ARNT2: variants seen among roughly 807,000 people sequenced by gnomAD.
ARNT2 encodes aryl hydrocarbon receptor nuclear translocator 2.
Under a neutral mutation model 91.7 loss-of-function variants are expected in ARNT2, and 36 were observed. That is an observed-to-expected ratio of 0.39 (90% CI 0.30 to 0.52). ARNT2 has a LOEUF of 0.52. Ranked by LOEUF, ARNT2 falls within the 20% of genes least tolerant of loss-of-function variation. The pLI is 0.72. For synonymous variants in ARNT2, 365 were observed against 347.1 expected (o/e 1.05, Z -0.57); for missense variants, 775 against 939.3 (o/e 0.83, Z 2.29).
At chr15:80,483,401 G>T (rs1265672373) in intron 5 of ARNT2, among the ~76,000 whole-genome samples, 1 of 152,238 alleles carries the variant, frequency 6.6e-6, no homozygotes, top group Non-Finnish European at 1.5e-5. Context: ...TGACTCAACT[G>T]CCCTACTTGT....
At position 80,441,259 on chromosome 15, in the gene ARNT2, A is replaced by G. The variant is rs147656473; in HGVS notation, c.32-9621A>G. The stretch of plus-strand genomic sequence containing the variant: ...TGTGATGACATTTTCTCAGCAGAAT[A>G]CAAATGCAGCTACATTTCCTCCCAG... On this transcript the variant is annotated intron_variant, in intron 1 of 18. Coordinates refer to ENST00000303329, the MANE Select transcript of ARNT2 (RefSeq NM_014862.4). The G allele has an allele frequency of 6.3e-5, 62 of 985,354 alleles. 1 individual carries two copies. In the East Asian group the frequency reaches 6.8e-3, roughly 108 times the overall value. The allele number at this position is 985,354 out of a possible 1,614,324, so 61.0% of individuals were successfully genotyped here.
chr15:80,572,999 T>G (rs141867458), intron 12 of ARNT2, among the ~76,000 whole-genome samples: 3 of 152,320 alleles, frequency 2.0e-5, no homozygotes, highest in African/African-American at 7.2e-5. Context: ...TTCCTTCCAC[T>G]GAATAATTTC....
intron 15 of ARNT2, 37 bp from the exon 16 acceptor site, chr15:80,580,374 T>A: frequency 6.2e-7 from 1 of 1,612,598 alleles, no homozygotes; most frequent in Non-Finnish European, 8.5e-7. Context: ...GCAAACCAGG[T>A]GTGTCCTCGG....
At chr15:80,409,448 A>G (rs991309194) in intron 1 of ARNT2, among the ~76,000 whole-genome samples, 2 of 152,146 alleles carry the variant, frequency 1.3e-5, no homozygotes, top group African/African-American at 2.4e-5. Flanking sequence ...CATTGTCTGG[A>G]TGTACCACAG....
chr15:80,431,731 T>C (rs959197298), intron 1 of ARNT2, among the ~76,000 whole-genome samples: 10 of 152,186 alleles, frequency 6.6e-5, no homozygotes, highest in African/African-American at 2.4e-4. Flanking sequence ...TCCCTACTTA[T>C]CCAGCAGGGA....
At chr15:80,435,401 C>T (rs996814932) in intron 1 of ARNT2, among the ~76,000 whole-genome samples, 1 of 152,152 alleles carries the variant, frequency 6.6e-6, no homozygotes, top group African/African-American at 2.4e-5. Context: ...TGGGTCAGTC[C>T]CTGCTTCAGA....
intron 17 of ARNT2, among the ~76,000 whole-genome samples, chr15:80,589,749 C>G (rs1344322366): frequency 6.6e-6 from 1 of 152,178 alleles, no homozygotes; most frequent in Non-Finnish European, 1.5e-5. Context: ...TCTGCTAAGC[C>G]AATTAATGAG....
At chr15:80,548,864 T>C (rs903637371) in intron 8 of ARNT2, among the ~76,000 whole-genome samples, 2 of 152,116 alleles carry the variant, frequency 1.3e-5, no homozygotes, top group African/African-American at 4.8e-5. Context: ...AATGCAATCC[T>C]AATAAAAATA....
chr15:80,449,674 G>A (rs1896358560), intron 1 of ARNT2, among the ~76,000 whole-genome samples: 1 of 152,210 alleles, frequency 6.6e-6, no homozygotes, highest in Admixed American at 6.5e-5. Context: ...AGAGTTTTGA[G>A]TGGGATAGTT....
At chr15:80,518,391 C>T (rs1282992925) in intron 8 of ARNT2, among the ~76,000 whole-genome samples, 1 of 150,388 alleles carries the variant, frequency 6.6e-6, no homozygotes, top group African/African-American at 2.5e-5. Context: ...AGCAATTCTC[C>T]TGTCTCAGCC....
At chr15:80,465,233 G>A (rs1277799921) in intron 3 of ARNT2, among the ~76,000 whole-genome samples, 1 of 152,212 alleles carries the variant, frequency 6.6e-6, no homozygotes, top group Admixed American at 6.5e-5. Flanking sequence ...AACTCCTGGT[G>A]TCTGGTCTTC....
Position 80,591,739 on chromosome 15 carries a change from C to T in ARNT2, c.2055+35C>T. ...GCGAGCACCGCCTTCTCGTAGGTAC[C>T]GGCGCCTTCTCTCTGCTTCCTTTCC... On this transcript the variant is annotated intron_variant, in intron 18 of 18. Transcript: ENST00000303329. The surrounding 1 kb of genome is among the most constrained non-coding windows in gnomAD (Gnocchi z 5.1). 10 of 1,610,520 alleles carry T rather than the reference C, an allele frequency of 6.2e-6. No individual in the cohort carries two copies. The highest frequency in any genetic ancestry group is 8.5e-6 in the Non-Finnish European group (10 of 1,177,218).
rs968659920 is a variant in ARNT2 at position 80,593,920 on chromosome 15, A to C, written c.*222A>C. The C allele has an allele frequency of 1.4e-5, 8 of 558,520 alleles. No individual in the cohort carries two copies. Among genetic ancestry groups the C allele is most frequent in the Admixed American group, 3.1e-5 (1 of 32,152 alleles). 34.6% of individuals were successfully genotyped at this position (558,520 alleles called of 1,614,324 possible). ...GGGCCCTGGCAGACATTAGGGGATC[A>C]GTTGTATTTATTGTATTTTATCTGT... On this transcript the variant is annotated 3_prime_UTR_variant, in exon 19 of 19. Transcript: ENST00000303329.
intron 5 of ARNT2, among the ~76,000 whole-genome samples, chr15:80,478,297 G>A (rs1896836372): frequency 1.3e-5 from 2 of 152,252 alleles, no homozygotes; most frequent in Middle Eastern, 3.2e-3. Flanking sequence ...GGAAGCGATG[G>A]TCAAGGCAGG....
At chr15:80,587,169 A>G (rs985550949) in intron 17 of ARNT2, among the ~76,000 whole-genome samples, 2 of 152,208 alleles carry the variant, frequency 1.3e-5, no homozygotes, top group African/African-American at 4.8e-5. Context: ...TCTTCTGCCT[A>G]GAAGGCATTT....
chr15:80,432,052 G>A lies in ARNT2; in HGVS notation c.32-18828G>A, dbSNP rs189502092. Reference sequence around the variant, plus strand: ...GATCCTTGTGAAAGTTTTTCTCCACGGAGAATTGATGCTGCTGTCTCCTGA... The same window carrying A: ...GATCCTTGTGAAAGTTTTTCTCCACAGAGAATTGATGCTGCTGTCTCCTGA... On this transcript the variant is annotated intron_variant, in intron 1 of 18. Transcript: ENST00000303329. Among the ~76,000 whole-genome samples, 92 of 152,338 alleles carry A rather than the reference G, an allele frequency of 6.0e-4. 1 individual carries two copies. The highest frequency in any genetic ancestry group is 3.4e-3 in the Middle Eastern group (1 of 294).
intron 4 of ARNT2, among the ~76,000 whole-genome samples, chr15:80,473,114 G>C (rs1373326415): frequency 6.6e-6 from 1 of 152,166 alleles, no homozygotes; most frequent in Non-Finnish European, 1.5e-5. Context: ...AACCTTGCAA[G>C]AGCTCACTGA....
rs1895571935 is a variant in ARNT2 at position 80,404,685 on chromosome 15, C to A, written c.31+139C>A. ...GTGGGTGGTGGAGCGGCTGTCACTA[C>A]GCGGCAGCCGCAGCATCAGCACCAG... On this transcript the variant is annotated intron_variant, in intron 1 of 18. Transcript: ENST00000303329. The surrounding 1 kb of genome is among the most constrained non-coding windows in gnomAD (Gnocchi z 5.5). 2 of 428,702 alleles carry A rather than the reference C, an allele frequency of 4.7e-6. 1 individual carries two copies. 26.6% of individuals were successfully genotyped at this position (428,702 alleles called of 1,614,324 possible).
intron 5 of ARNT2, among the ~76,000 whole-genome samples, chr15:80,495,228 A>G (rs1276588752): frequency 6.6e-6 from 1 of 152,200 alleles, no homozygotes; most frequent in Non-Finnish European, 1.5e-5. Flanking sequence ...TATTCTTACT[A>G]TCTGAAAACA....
Sources: gnomAD v4.1 joint callset for allele counts (sites outside exome capture counted in the v4.1 genomes callset) on GRCh38, gnomAD v4.1.1 for gene constraint, Gnocchi (gnomAD v3.1) non-coding constraint, MANE v1.5 for transcripts, NCBI Gene and HGNC (gene_info 2026-07-23, HGNC 2026-07-21) for gene names.